SMUG1: variants seen among roughly 807,000 people sequenced by gnomAD.
SMUG1 encodes single-strand selective monofunctional uracil DNA glycosylase.
In SMUG1, 13 loss-of-function variants were observed where a neutral mutation model predicts 23.9. That is an observed-to-expected ratio of 0.54 (90% confidence interval 0.35 to 0.86). The LOEUF (loss-of-function observed/expected upper bound fraction) is 0.86, where lower values mean the gene tolerates loss of function less well. Ranked by LOEUF, SMUG1 falls within the 40% of genes least tolerant of loss-of-function variation. SMUG1 has a pLI of 0.01. For synonymous variants in SMUG1, 133 were observed against 139.8 expected, an observed-to-expected ratio of 0.95 and a Z score of 0.34; for missense variants, 313 against 339.5, an observed-to-expected ratio of 0.92 and a Z score of 0.61.
chr12:54,158,642 G>A lies in SMUG1; in HGVS notation n.687+6732C>T, dbSNP rs115532910. On this transcript the variant is annotated intron_variant and non_coding_transcript_variant, in intron 4 of 5. Transcript: ENST00000634429. ...TCTTCCTCATCCCTCCCCAAGCCAG[G>A]CCAGACCTGGAGCCTCCCACACTGA... Among the ~76,000 whole-genome samples the A allele has an allele frequency of 1.6e-3, 238 of 152,104 alleles. 2 individuals carry two copies. Among genetic ancestry groups the A allele is most frequent in the African/African-American group, 5.6e-3 (233 of 41,458 alleles).
rs1940897637 is a variant in SMUG1, at chr12:54,180,443, G to A, written c.*1653C>T. The A allele has an allele frequency of 6.6e-6, 1 of 152,218 alleles. No individual in the cohort carries two copies. The highest frequency in any genetic ancestry group is 2.1e-4 in the South Asian group (1 of 4,836). 9.4% of individuals were successfully genotyped at this position (152,218 alleles called of 1,614,324 possible). A position where few individuals can be genotyped will look rare whatever the true frequency, so the allele number is the denominator to read the frequency against. Reference sequence around the variant, plus strand: ...ATGAAAAATCTTACTAATTCTGGAAGCTGGAAATGACCTGTGTCCCAGGAG... The same window carrying A: ...ATGAAAAATCTTACTAATTCTGGAAACTGGAAATGACCTGTGTCCCAGGAG... On this transcript the variant is annotated 3_prime_UTR_variant, in exon 4 of 4. Coordinates refer to ENST00000682136, the MANE Select transcript of SMUG1 (RefSeq NM_001243787.2).
At chr12:54,182,727 A>AC in intron 3 of SMUG1, 104 bp from the exon 4 acceptor site, 2 of 1,497,070 alleles carry the variant, frequency 1.3e-6, no homozygotes, top group East Asian at 4.6e-5. Context: ...TCCAGCCTGC[A>AC]CCCCCTACCC....
intron 3 of SMUG1, chr12:54,182,875 G>A: frequency 1.7e-6 from 1 of 575,844 alleles, no homozygotes; most frequent in Non-Finnish European, 2.9e-6. Context: ...TTGGGACTAA[G>A]TACAGGGACT....
downstream of SMUG1, among the ~76,000 whole-genome samples, chr12:54,179,096 G>T (rs1940821694): frequency 1.3e-5 from 2 of 152,168 alleles, no homozygotes; most frequent in Non-Finnish European, 1.5e-5. Flanking sequence ...TTTGCCAGGG[G>T]CTCTTGGGAC....
intron 2 of SMUG1, 138 bp from the exon 3 acceptor site, chr12:54,184,097 C>G (rs1157321677): frequency 3.1e-6 from 2 of 642,568 alleles, no homozygotes; most frequent in Non-Finnish European, 5.1e-6. Flanking sequence ...CTACCAACCA[C>G]CAAGTAGGAC....
At chr12:54,185,675 G>A (rs989531543) in intron 2 of SMUG1, among the ~76,000 whole-genome samples, 18 of 151,772 alleles carry the variant, frequency 1.2e-4, no homozygotes, top group Admixed American at 1.2e-3. Flanking sequence ...GCTGGGCATG[G>A]TGGCACGTGC....
rs1243349727 is a variant in SMUG1 at position 54,181,537 on chromosome 12, GC to G, written c.*558del. On this transcript the variant is annotated 3_prime_UTR_variant, in exon 4 of 4. Coordinates refer to ENST00000682136, the MANE Select transcript of SMUG1 (RefSeq NM_001243787.2). ...CCAAGTTTCAAAGCTGGGATGAAAAGCCAGGTCTTCTGACTTGCACTCTGTC... is the reference window on the plus strand; with the variant it reads ...CCAAGTTTCAAAGCTGGGATGAAAAGCAGGTCTTCTGACTTGCACTCTGTC... The G allele has an allele frequency of 2.6e-6, 4 of 1,539,136 alleles. No homozygotes were observed. The African/African-American group carries it at 5.5e-5, about 21-fold the overall frequency.
At chr12:54,162,891 GATTT>G (rs1940316766), downstream of SMUG1, 1 of 152,220 alleles carries the variant, frequency 6.6e-6, no homozygotes, top group Non-Finnish European at 1.5e-5. Flanking sequence ...TTTGCCCAGG[GATTT>G]ATAGTAGGAG....
rs1941377616 is a variant in SMUG1 at position 54,182,639 on chromosome 12, G to A, written c.286-16C>T. The A allele has an allele frequency of 6.3e-7, 1 of 1,595,172 alleles. No individual in the cohort carries two copies. Among genetic ancestry groups the A allele is most frequent in the Non-Finnish European group, 8.5e-7 (1 of 1,170,518 alleles). ...CAAAGGGCACCTGTGAGGAAGGAGAGAGACATGAAAGGCTTCAAACTGGAG... is the reference window on the plus strand; with the variant it reads ...CAAAGGGCACCTGTGAGGAAGGAGAAAGACATGAAAGGCTTCAAACTGGAG... On this transcript the variant is annotated splice_polypyrimidine_tract_variant and intron_variant, in intron 3 of 3. Transcript: ENST00000682136.
chr12:54,185,392 C>T (rs1159782723), intron 2 of SMUG1, among the ~76,000 whole-genome samples: 2 of 149,608 alleles, frequency 1.3e-5, no homozygotes, highest in East Asian at 2.0e-4. Flanking sequence ...TGCCTGAACC[C>T]GGGAGGCTGA....
intron 2 of SMUG1, among the ~76,000 whole-genome samples, chr12:54,184,581 C>G (rs886643969): frequency 6.6e-6 from 1 of 152,140 alleles, no homozygotes; most frequent in African/African-American, 2.4e-5. Context: ...AGCAACTTGC[C>G]CAAGGTCTTA....
At chr12:54,174,803 G>C (rs1190043550) in intron 2 of SMUG1, among the ~76,000 whole-genome samples, 1 of 152,218 alleles carries the variant, frequency 6.6e-6, no homozygotes, top group Non-Finnish European at 1.5e-5. Context: ...CAGAAGAATG[G>C]ACAAGATGTA....
At chr12:54,168,940 C>T (rs1466949347) in intron 3 of SMUG1, among the ~76,000 whole-genome samples, 1 of 152,066 alleles carries the variant, frequency 6.6e-6, no homozygotes, top group African/African-American at 2.4e-5. Flanking sequence ...TAAGACAGTC[C>T]CCGAAAATAC....
intron 1 of SMUG1, among the ~76,000 whole-genome samples, chr12:54,188,295 A>AAATAATAATAATAAT (rs757369651): frequency 2.9e-5 from 2 of 68,894 alleles, no homozygotes; most frequent in Non-Finnish European, 3.5e-5. Flanking sequence ...TAATAATAAT[A>AAATAATAATAATAAT]AATAATAATA....
intron 3 of SMUG1, chr12:54,171,974 C>T (rs1019244921): frequency 9.5e-6 from 4 of 421,108 alleles, no homozygotes; most frequent in Non-Finnish European, 1.5e-5. Flanking sequence ...TTGACCACTC[C>T]TCATCACCTC....
At chr12:54,170,517 C>G (rs1940589603) in intron 3 of SMUG1, among the ~76,000 whole-genome samples, 1 of 152,162 alleles carries the variant, frequency 6.6e-6, no homozygotes, top group South Asian at 2.1e-4. Context: ...AATGATCAAG[C>G]CAAGAGCCCC....
downstream of SMUG1, among the ~76,000 whole-genome samples, chr12:54,179,569 A>G (rs1430643497): frequency 6.6e-6 from 1 of 152,136 alleles, no homozygotes; most frequent in East Asian, 1.9e-4. Flanking sequence ...TGGCATGTGG[A>G]AGTTCAATAC....
rs1304532496 is a variant in SMUG1, at chr12:54,180,891, G to A, written c.*1205C>T. ...TAATTCCAGCTATACAGGAGGCTGAGGCAGGAGAATCACTTGAACCGGGAA... is the reference window on the plus strand; with the variant it reads ...TAATTCCAGCTATACAGGAGGCTGAAGCAGGAGAATCACTTGAACCGGGAA... On this transcript the variant is annotated 3_prime_UTR_variant, in exon 4 of 4. Transcript: ENST00000682136. The A allele has an allele frequency of 6.6e-6, 1 of 152,030 alleles. No individual in the cohort carries two copies. The highest frequency in any genetic ancestry group is 1.5e-5 in the Non-Finnish European group (1 of 68,048). 9.4% of individuals were successfully genotyped at this position (152,030 alleles called of 1,614,324 possible).
downstream of SMUG1, among the ~76,000 whole-genome samples, chr12:54,164,045 G>A (rs908236458): frequency 1.3e-5 from 2 of 152,170 alleles, no homozygotes; most frequent in African/African-American, 4.8e-5. Context: ...GGTGAAGCCT[G>A]ACCCGGGAGG....
Sources: gnomAD v4.1 joint callset for allele counts (sites outside exome capture counted in the v4.1 genomes callset) on GRCh38, gnomAD v4.1.1 for gene constraint, MANE v1.5 for transcripts, NCBI Gene and HGNC (gene_info 2026-07-23, HGNC 2026-07-21) for gene names.